ATP8A2: variants seen among roughly 807,000 people sequenced by gnomAD.
The protein encoded by ATP8A2 is ATPase phospholipid transporting 8A2.
Under a neutral mutation model 165.6 loss-of-function variants are expected in ATP8A2, and 100 were observed. The observed-to-expected ratio is 0.60, with a 90% CI of 0.51 to 0.71. The LOEUF (loss-of-function observed/expected upper bound fraction) is 0.71. Among genes scored for constraint, ATP8A2 ranks in the 30% least tolerant of loss-of-function variants. The probability of loss-of-function intolerance (pLI) is 0.00; values close to 1 mark genes in which losing one functional copy is unlikely to be tolerated. For synonymous variants in ATP8A2, 543 were observed against 548.8 expected, an observed-to-expected ratio of 0.99 and a Z score of 0.15; for missense variants, 1,227 against 1,479.5, an observed-to-expected ratio of 0.83 and a Z score of 2.80.
chr13:26,006,566 G>C (rs557350211), intron 35 of ATP8A2, among the ~76,000 whole-genome samples: 1 of 152,132 alleles, frequency 6.6e-6, no homozygotes, highest in East Asian at 1.9e-4. Context: ...AGTGCTGAAA[G>C]TTGGCATCCT....
chr13:25,864,275 C>T (rs1323877521), intron 33 of ATP8A2, among the ~76,000 whole-genome samples: 1 of 119,330 alleles, frequency 8.4e-6, no homozygotes, highest in Non-Finnish European at 2.2e-5. Flanking sequence ...ATGTGACTGA[C>T]AGACAAAGCC....
chr13:25,384,411 T>C (rs2032965485), intron 1 of ATP8A2, among the ~76,000 whole-genome samples: 2 of 152,188 alleles, frequency 1.3e-5, no homozygotes, highest in East Asian at 1.9e-4. Flanking sequence ...TGGCCTTCCA[T>C]GCATTCTCCC....
At chr13:25,507,365 T>C (rs2037082203) in intron 2 of ATP8A2, among the ~76,000 whole-genome samples, 1 of 151,806 alleles carries the variant, frequency 6.6e-6, no homozygotes, top group Non-Finnish European at 1.5e-5. Context: ...TCCCAGGTTC[T>C]AGCAATTCTC....
chr13:25,614,838 A>T (rs2040780755), intron 24 of ATP8A2, among the ~76,000 whole-genome samples: 1 of 152,226 alleles, frequency 6.6e-6, no homozygotes, highest in African/African-American at 2.4e-5. Context: ...GTCTACAAAG[A>T]GTCCTGTGAT....
At chr13:25,729,397 G>A (rs1030466666) in intron 25 of ATP8A2, among the ~76,000 whole-genome samples, 1 of 152,194 alleles carries the variant, frequency 6.6e-6, no homozygotes, top group Non-Finnish European at 1.5e-5. Context: ...GCCAGGTACT[G>A]TGGCACATAT....
intron 27 of ATP8A2, among the ~76,000 whole-genome samples, chr13:25,779,751 A>C (rs1326357062): frequency 6.6e-6 from 1 of 152,248 alleles, no homozygotes; most frequent in Non-Finnish European, 1.5e-5. Flanking sequence ...ATTTAGAAGC[A>C]GAAAGCAAAG....
intron 30 of ATP8A2, among the ~76,000 whole-genome samples, chr13:25,849,933 A>G (rs1377259162): frequency 6.6e-6 from 1 of 152,254 alleles, no homozygotes; most frequent in Non-Finnish European, 1.5e-5. Flanking sequence ...ATCACATGCA[A>G]TCACAGATCA....
intron 24 of ATP8A2, among the ~76,000 whole-genome samples, chr13:25,640,149 C>CA (rs1376619752): frequency 6.6e-6 from 1 of 152,054 alleles, no homozygotes; most frequent in Non-Finnish European, 1.5e-5. Flanking sequence ...CAAGAGAAAG[C>CA]AGGAAAGATC....
At chr13:25,600,005 A>G (rs1209397969) in intron 24 of ATP8A2, among the ~76,000 whole-genome samples, 2 of 152,214 alleles carry the variant, frequency 1.3e-5, no homozygotes, top group African/African-American at 4.8e-5. Context: ...CTCAGGAGAT[A>G]AAAACCACAT....
intron 24 of ATP8A2, among the ~76,000 whole-genome samples, chr13:25,619,529 T>C (rs2040914824): frequency 6.6e-6 from 1 of 152,078 alleles, no homozygotes; most frequent in African/African-American, 2.4e-5. Context: ...CCATGCTATG[T>C]TAAAAAAACA....
At chr13:25,666,872 C>T (rs2042165614) in intron 24 of ATP8A2, among the ~76,000 whole-genome samples, 1 of 152,146 alleles carries the variant, frequency 6.6e-6, no homozygotes, top group African/African-American at 2.4e-5. Context: ...AGAAAAAGTA[C>T]TTTTATTCAG....
intron 33 of ATP8A2, among the ~76,000 whole-genome samples, chr13:25,893,711 T>C (rs1373416072): frequency 1.3e-5 from 2 of 152,316 alleles, no homozygotes; most frequent in Non-Finnish European, 2.9e-5. Flanking sequence ...CTCCAGCACC[T>C]GTTGTTTCCT....
Position 26,012,636 on chromosome 13 carries a change from G to A in ATP8A2, c.3469+14G>A. The A allele has an allele frequency of 6.8e-7, 1 of 1,470,546 alleles. No individual in the cohort carries two copies. Among genetic ancestry groups the A allele is most frequent in the Non-Finnish European group, 9.0e-7 (1 of 1,110,400 alleles). 91.1% of individuals were successfully genotyped at this position (1,470,546 alleles called of 1,614,324 possible). On this transcript the variant is annotated intron_variant, in intron 36 of 36. Transcript: ENST00000381655. ...AGGGCGTCCCGCGTGAGTACCGCGG[G>A]CGGGGGCTGATGGAGGAGTGGGTGT... is the stretch of plus-strand genomic sequence containing the variant.
At chr13:25,440,978 G>T (rs576225608) in intron 1 of ATP8A2, among the ~76,000 whole-genome samples, 2 of 152,296 alleles carry the variant, frequency 1.3e-5, no homozygotes, top group East Asian at 1.9e-4. Context: ...TCCAGCAATT[G>T]TATGTGAAAA....
In ATP8A2 at chr13:25,581,830, A is replaced by G. The variant is rs755429464; in HGVS notation, c.2019A>G (p.Leu673=). ...TTTTTTCAATGTAGAATTTGCTGCTACTTGGAGCCACAGCCATAGAAGATC... is the reference window on the plus strand; with the variant it reads ...TTTTTTCAATGTAGAATTTGCTGCTGCTTGGAGCCACAGCCATAGAAGATC... ...CYEIIEKNLL[L]LGATAIEDRL... Residue 673 remains leucine (L), a synonymous_variant, in exon 23 of 37, where the codon CTA becomes CTG. Coordinates refer to ENST00000381655, the MANE Select transcript of ATP8A2 (RefSeq NM_016529.6). 8.7e-6 allele frequency: 14 copies of G among 1,613,936 alleles called. No individual in the cohort carries two copies. The highest frequency in any genetic ancestry group is 1.7e-5 in the Admixed American group (1 of 59,996).
chr13:25,411,998 G>C (rs557078484), intron 1 of ATP8A2, among the ~76,000 whole-genome samples: 1 of 152,080 alleles, frequency 6.6e-6, no homozygotes, highest in Non-Finnish European at 1.5e-5. Flanking sequence ...CTCTTCCTGC[G>C]TCAGACCTGT....
intron 2 of ATP8A2, among the ~76,000 whole-genome samples, chr13:25,513,639 C>G (rs1481448367): frequency 6.6e-6 from 1 of 152,020 alleles, no homozygotes; most frequent in East Asian, 2.0e-4. Context: ...GAGCCGAGAT[C>G]ACGCCACTGC....
At chr13:25,522,017 G>A (rs1408506137) in intron 2 of ATP8A2, among the ~76,000 whole-genome samples, 1 of 151,818 alleles carries the variant, frequency 6.6e-6, no homozygotes, top group Non-Finnish European at 1.5e-5. Context: ...AATATCATTG[G>A]TATTTTTATA....
intron 24 of ATP8A2, among the ~76,000 whole-genome samples, chr13:25,675,897 G>T (rs908966371): frequency 1.3e-4 from 20 of 152,080 alleles, no homozygotes; most frequent in Middle Eastern, 3.2e-3. Context: ...TCATGTTATA[G>T]AAACCAAATT....
Sources: gnomAD v4.1 joint callset for allele counts (sites outside exome capture counted in the v4.1 genomes callset) on GRCh38, gnomAD v4.1.1 for gene constraint, MANE v1.5 for transcripts, NCBI Gene and HGNC (gene_info 2026-07-23, HGNC 2026-07-21) for gene names.